The following CMTM8 variants were observed in gnomAD, a reference collection of about 807,000 sequenced individuals.
The protein encoded by CMTM8 is CKLF-like MARVEL transmembrane domain-containing protein 8.
In CMTM8, 12 loss-of-function variants were observed where a neutral mutation model predicts 18.6. The observed-to-expected ratio is 0.65, with a 90% CI of 0.41 to 1.05. The LOEUF (loss-of-function observed/expected upper bound fraction) is 1.05, where lower values mean the gene tolerates loss of function less well. Ranked by LOEUF, CMTM8 falls within the 50% of genes least tolerant of loss-of-function variation. The probability of loss-of-function intolerance (pLI) is 0.00; values close to 1 mark genes in which losing one functional copy is unlikely to be tolerated. For synonymous variants in CMTM8, 87 were observed against 90.6 expected (o/e 0.96, Z 0.23); for missense variants, 217 against 227.2 (o/e 0.95, Z 0.29).
At chr3:32,338,239 C>T (rs1696426236) in intron 1 of CMTM8, among the ~76,000 whole-genome samples, 1 of 152,048 alleles carries the variant, frequency 6.6e-6, no homozygotes, top group Admixed American at 6.6e-5. Context: ...GCCTCGGCCT[C>T]CTAAAGTGCT....
intron 1 of CMTM8, among the ~76,000 whole-genome samples, chr3:32,246,826 G>T (rs2125528660): frequency 6.6e-6 from 1 of 152,350 alleles, no homozygotes; most frequent in South Asian, 2.1e-4. Context: ...TATTGGCTGG[G>T]CATAGTGGCT....
intron 1 of CMTM8, among the ~76,000 whole-genome samples, chr3:32,350,108 A>T (rs1313154573): frequency 6.6e-6 from 1 of 152,188 alleles, no homozygotes; most frequent in Non-Finnish European, 1.5e-5. Flanking sequence ...GAAGTGGGGC[A>T]ATCACCCAGC....
At chr3:32,316,970 A>C (rs1222291103) in intron 1 of CMTM8, among the ~76,000 whole-genome samples, 1 of 152,218 alleles carries the variant, frequency 6.6e-6, no homozygotes, top group African/African-American at 2.4e-5. Flanking sequence ...ATTGAACCCT[A>C]GACTTACATA....
intron 1 of CMTM8, among the ~76,000 whole-genome samples, chr3:32,251,537 C>T (rs1182652716): frequency 2.6e-5 from 4 of 151,916 alleles, no homozygotes; most frequent in African/African-American, 9.7e-5. Flanking sequence ...TGGTCTTGAA[C>T]TCCTGGGCTC....
At chr3:32,362,057 T>TTTTTTTTTTTTTTG (rs1559390382) in intron 2 of CMTM8, among the ~76,000 whole-genome samples, 4 of 148,984 alleles carry the variant, frequency 2.7e-5, no homozygotes, top group African/African-American at 7.4e-5. Flanking sequence ...TTTTTTTTTT[T>TTTTTTTTTTTTTTG]GGAGATGGAG....
intron 1 of CMTM8, among the ~76,000 whole-genome samples, chr3:32,292,754 T>A (rs1425600659): frequency 6.6e-6 from 1 of 152,020 alleles, no homozygotes; most frequent in Non-Finnish European, 1.5e-5. Flanking sequence ...ACCTACTAGA[T>A]GCCAGTAGTA....
intron 1 of CMTM8, among the ~76,000 whole-genome samples, chr3:32,338,284 G>T (rs1696427610): frequency 6.6e-6 from 1 of 151,824 alleles, no homozygotes; most frequent in South Asian, 2.1e-4. Context: ...GCCCGGCCTG[G>T]CCTTTTACAG....
chr3:32,273,128 A>AGTGTGTGTGTGT (rs1559366913), intron 1 of CMTM8, among the ~76,000 whole-genome samples: 16 of 64,866 alleles, frequency 2.5e-4, no homozygotes, highest in Non-Finnish European at 4.1e-4. Context: ...AATTGGAACA[A>AGTGTGTGTGTGT]ATGTGTGTGT....
At chr3:32,318,660 A>G (rs1394260861) in intron 1 of CMTM8, among the ~76,000 whole-genome samples, 1 of 145,624 alleles carries the variant, frequency 6.9e-6, no homozygotes, top group Non-Finnish European at 1.5e-5. Flanking sequence ...TCCGCCTCCC[A>G]GGTTCACACC....
At chr3:32,249,388 C>T (rs1242799457) in intron 1 of CMTM8, among the ~76,000 whole-genome samples, 1 of 151,166 alleles carries the variant, frequency 6.6e-6, no homozygotes, top group East Asian at 1.9e-4. Flanking sequence ...TGAGATTGTG[C>T]CACTGCACTC....
intron 1 of CMTM8, among the ~76,000 whole-genome samples, chr3:32,307,485 G>A (rs574767820): frequency 2.0e-5 from 3 of 152,284 alleles, no homozygotes; most frequent in South Asian, 2.1e-4. Flanking sequence ...GAGGGAGAAA[G>A]AACAGATCCT....
intron 1 of CMTM8, among the ~76,000 whole-genome samples, chr3:32,288,011 A>G (rs542058782): frequency 1.9e-4 from 29 of 152,348 alleles, no homozygotes; most frequent in African/African-American, 5.3e-4. Flanking sequence ...CACACGATAC[A>G]TTATATTTAT....
chr3:32,317,819 G>T (rs1695957974), intron 1 of CMTM8, among the ~76,000 whole-genome samples: 1 of 152,118 alleles, frequency 6.6e-6, no homozygotes, highest in Admixed American at 6.6e-5. Flanking sequence ...ACTTTGGAAA[G>T]CAGAGGCGCG....
At chr3:32,265,831 C>T (rs1193085390) in intron 1 of CMTM8, among the ~76,000 whole-genome samples, 11 of 151,098 alleles carry the variant, frequency 7.3e-5, no homozygotes, top group Admixed American at 2.6e-4. Context: ...AACACCTCTA[C>T]GCAAATAAAC....
intron 1 of CMTM8, among the ~76,000 whole-genome samples, chr3:32,272,411 C>A (rs1415227737): frequency 2.0e-5 from 3 of 152,090 alleles, no homozygotes; most frequent in Non-Finnish European, 4.4e-5. Flanking sequence ...TATTGTCTTT[C>A]CCATTTTATT....
chr3:32,239,881 C>T (rs1373657362), intron 1 of CMTM8, among the ~76,000 whole-genome samples: 1 of 152,170 alleles, frequency 6.6e-6, no homozygotes, highest in African/African-American at 2.4e-5. Flanking sequence ...TAGATGTCCT[C>T]ATACCCTCGT....
intron 1 of CMTM8, among the ~76,000 whole-genome samples, chr3:32,246,943 A>G (rs945529470): frequency 6.6e-6 from 1 of 152,130 alleles, no homozygotes; most frequent in African/African-American, 2.4e-5. Context: ...TCTACTAAAA[A>G]TACAAAAATC....
intron 1 of CMTM8, among the ~76,000 whole-genome samples, chr3:32,354,881 G>A (rs1003570284): frequency 2.0e-5 from 3 of 152,016 alleles, no homozygotes; most frequent in African/African-American, 7.2e-5. Context: ...ATTAGTGTGA[G>A]GCTTAGCACT....
intron 1 of CMTM8, among the ~76,000 whole-genome samples, chr3:32,250,500 G>A (rs779602135): frequency 6.6e-6 from 1 of 152,162 alleles, no homozygotes; most frequent in Non-Finnish European, 1.5e-5. Flanking sequence ...ACAAGATCAA[G>A]TCTTATAATT....
Sources: gnomAD v4.1 joint callset for allele counts (sites outside exome capture counted in the v4.1 genomes callset) on GRCh38, gnomAD v4.1.1 for gene constraint, MANE v1.5 for transcripts, NCBI Gene and HGNC (gene_info 2026-07-23, HGNC 2026-07-21) for gene names.